FBXO22: variants seen among roughly 807,000 people sequenced by gnomAD.
FBXO22 encodes the protein F-box protein 22.
A neutral mutation model predicts 37.2 loss-of-function variants in FBXO22; 13 were observed. That is an observed-to-expected ratio of 0.35 (90% CI 0.23 to 0.56). The LOEUF (loss-of-function observed/expected upper bound fraction) is 0.56. Ranked by LOEUF, FBXO22 falls within the 20% of genes least tolerant of loss-of-function variation. FBXO22 has a pLI of 0.87. For missense variants in FBXO22, 446 were observed against 509.9 expected, an observed-to-expected ratio of 0.87 and a Z score of 1.21; for synonymous variants, 189 against 189.1, an observed-to-expected ratio of 1.00 and a Z score of 0.00.
rs2030877923 is a variant in FBXO22, at chr15:75,940,788, CTAACA to C, written c.*7687_*7691del. On this transcript the variant is annotated 3_prime_UTR_variant, in exon 7 of 7. Transcript: ENST00000308275. ...GAAAGCTGGATAACCACATGGCTAA[CTAACA>C]AAGTTGCAACCTCACTCATTTGCAA... The C allele has an allele frequency of 6.3e-4, 1 of 1,596 alleles. No individual in the cohort carries two copies. The highest frequency in any genetic ancestry group is 8.1e-4 in the African/African-American group (1 of 1,236). The allele number at this position is 1,596 out of a possible 1,614,324, so 0.1% of individuals were successfully genotyped here. A position where few individuals can be genotyped will look rare whatever the true frequency, so the allele number is the denominator to read the frequency against.
At chr15:75,922,739 C>T (rs1459249410) in intron 5 of FBXO22, among the ~76,000 whole-genome samples, 2 of 152,032 alleles carry the variant, frequency 1.3e-5, no homozygotes, top group Non-Finnish European at 2.9e-5. Flanking sequence ...ACACTGGAAG[C>T]GGGAGACCAC....
At chr15:75,929,744 A>G (rs1233417394) in intron 5 of FBXO22, 140 bp from the exon 6 acceptor site, 17 of 849,916 alleles carry the variant, frequency 2.0e-5, no homozygotes, top group Admixed American at 1.2e-4. Flanking sequence ...TAAAAAATAA[A>G]AAATGGAAAA....
intron 5 of FBXO22, among the ~76,000 whole-genome samples, chr15:75,920,502 T>C (rs74689697): frequency 9.8e-4 from 149 of 152,286 alleles, no homozygotes; most frequent in African/African-American, 3.5e-3. Flanking sequence ...CTATATTCAA[T>C]TGGCTCATAA....
intron 5 of FBXO22, among the ~76,000 whole-genome samples, chr15:75,922,372 A>G (rs1900346423): frequency 6.6e-6 from 1 of 152,228 alleles, no homozygotes; most frequent in Non-Finnish European, 1.5e-5. Flanking sequence ...CTGTGAGAGC[A>G]GAATGGGTAG....
chr15:75,932,847 C>T lies in FBXO22; in HGVS notation c.957C>T (p.Thr319=), dbSNP rs756178166. The change falls in exon 7 of 7, where the codon ACC becomes ACT. Residue 319 remains threonine, a synonymous_variant. Coordinates refer to ENST00000308275, the MANE Select transcript of FBXO22 (RefSeq NM_147188.3). The part of the protein sequence containing the change: ...LKAANIPEHN[T]IGFMFACVGR... ...CGGCCAACATTCCAGAGCATAACAC[C>T]ATTGGCTTCATGTTTGCATGCGTTG... 123 of 1,614,124 alleles carry T rather than the reference C, an allele frequency of 7.6e-5. No homozygotes were observed. The highest frequency in any genetic ancestry group is 9.8e-5 in the Non-Finnish European group (116 of 1,180,062).
At chr15:75,929,733 A>G in intron 5 of FBXO22, 151 bp from the exon 6 acceptor site, 1 of 719,666 alleles carries the variant, frequency 1.4e-6, no homozygotes, top group Non-Finnish European at 2.2e-6. Context: ...ATAAAATAAG[A>G]TAAAAAATAA....
At chr15:75,907,925 A>C (rs1255865032) in intron 2 of FBXO22, among the ~76,000 whole-genome samples, 1 of 152,066 alleles carries the variant, frequency 6.6e-6, no homozygotes, top group Non-Finnish European at 1.5e-5. Flanking sequence ...CTGGGTGATA[A>C]AGAGTGAGAC....
Position 75,917,394 on chromosome 15 carries a change from G to T in FBXO22, c.628G>T (p.Gly210Cys). 1.3e-6 allele frequency: 2 copies of T among 1,560,436 alleles called. No homozygotes were observed. Among genetic ancestry groups the T allele is most frequent in the Non-Finnish European group, 1.7e-6 (2 of 1,147,998 alleles). ...TLERHQLTEV[G>C]LLDNPELRVV... ...AGAAAGACATCAACTCACTGAAGTA[G>T]GTAAGTTACTTTTATTTATCATTAA... The change falls in exon 5 of 7, where the codon GGT (glycine) becomes TGT (cysteine). Residue 210 changes from glycine (G) to cysteine (C), a missense_variant and splice_region_variant. Physicochemically the swap from Gly to Cys is radical, Grantham distance 159. Around this residue, in one of 2 missense-constraint regions of FBXO22, gnomAD observed 315 missense variants for 410.1 expected, o/e 0.77. Transcript: ENST00000308275.
At chr15:75,904,254 T>TA in intron 1 of FBXO22, 151 bp downstream of exon 1, 3 of 1,209,658 alleles carry the variant, frequency 2.5e-6, no homozygotes, top group Non-Finnish European at 3.4e-6. Flanking sequence ...ACCCGCGAGG[T>TA]ATCTCCCAGC....
In FBXO22 at chr15:75,937,508, C is replaced by CA. The variant is rs58256641; in HGVS notation, c.*4430dup. The CA allele has an allele frequency of 0.37, 29,969 of 80,908 alleles. 6,702 individuals carry two copies. Among genetic ancestry groups the CA allele is most frequent in the South Asian group, 0.49 (794 of 1,608 alleles). The allele number at this position is 80,908 out of a possible 1,614,324, so 5.0% of individuals were successfully genotyped here. On this transcript the variant is annotated 3_prime_UTR_variant, in exon 7 of 7. Transcript: ENST00000308275. Reference sequence around the variant, plus strand: ...TGGGCAATGGAGCAAGACTCTGTCTCAAAAAAAAAAAAAAAAAAAAAAAAG... The same window carrying CA: ...TGGGCAATGGAGCAAGACTCTGTCTCAAAAAAAAAAAAAAAAAAAAAAAAAG...
intron 5 of FBXO22, among the ~76,000 whole-genome samples, chr15:75,924,712 C>CTG (rs1346385042): frequency 6.6e-6 from 1 of 152,142 alleles, no homozygotes. Context: ...CTCTACCTGT[C>CTG]TGTACCACAG....
At chr15:75,905,847 A>G (rs1297786146) in intron 2 of FBXO22, among the ~76,000 whole-genome samples, 1 of 152,112 alleles carries the variant, frequency 6.6e-6, no homozygotes, top group Non-Finnish European at 1.5e-5. Context: ...GTGGCATGTG[A>G]TTTCCATTCG....
At chr15:75,905,405 C>T (rs929792809) in intron 2 of FBXO22, among the ~76,000 whole-genome samples, 1 of 152,158 alleles carries the variant, frequency 6.6e-6, no homozygotes, top group East Asian at 1.9e-4. Flanking sequence ...GTCAGAGGGG[C>T]TGCAGGGTGT....
In FBXO22 at chr15:75,939,367, G is replaced by GA. The variant is rs138001166; in HGVS notation, c.*6272dup. ...GCAAAACGTACTACTGCTGAACTAT[G>GA]AAAAAAATTTAAAAATCTCAATAGA... On this transcript the variant is annotated 3_prime_UTR_variant, in exon 7 of 7. Transcript: ENST00000308275. The GA allele has an allele frequency of 6.6e-6, 1 of 151,962 alleles. No homozygotes were observed. The highest frequency in any genetic ancestry group is 1.5e-5 in the Non-Finnish European group (1 of 67,960). The allele number at this position is 151,962 out of a possible 1,614,324, so 9.4% of individuals were successfully genotyped here.
intron 5 of FBXO22, among the ~76,000 whole-genome samples, chr15:75,927,294 G>T (rs937660283): frequency 6.6e-6 from 1 of 152,074 alleles, no homozygotes; most frequent in African/African-American, 2.4e-5. Flanking sequence ...CTTTACATTG[G>T]GTATGTGTTT....
chr15:75,907,857 CGCTTGAACCAGGGAGATGGAGTTT>C (rs1337019724), intron 2 of FBXO22, among the ~76,000 whole-genome samples: 3 of 152,020 alleles, frequency 2.0e-5, no homozygotes, highest in Non-Finnish European at 4.4e-5. Context: ...GTACCAGAAT[CGCTTGAACCAGGGAGATGGAGTTT>C]GCTTGAGCTG....
chr15:75,935,403 G>T lies in FBXO22; in HGVS notation c.*2301G>T, dbSNP rs897154403. The T allele has an allele frequency of 2.6e-5, 4 of 152,124 alleles. No homozygotes were observed. The highest frequency in any genetic ancestry group is 9.7e-5 in the African/African-American group (4 of 41,418). 9.4% of individuals were successfully genotyped at this position (152,124 alleles called of 1,614,324 possible). On this transcript the variant is annotated 3_prime_UTR_variant, in exon 7 of 7. Coordinates refer to ENST00000308275, the MANE Select transcript of FBXO22 (RefSeq NM_147188.3). ...ATACTGAGCTGACGATCAGATCATA[G>T]AATACTTTATTTAATCAAGACATTT...
At chr15:75,904,182 G>A in intron 1 of FBXO22, 79 bp downstream of exon 1, 2 of 1,460,900 alleles carry the variant, frequency 1.4e-6, no homozygotes, top group Non-Finnish European at 1.8e-6. Context: ...GGTGGGGGGA[G>A]AGACCCTTGG....
At chr15:75,911,176 A>G (rs1900043832) in intron 2 of FBXO22, among the ~76,000 whole-genome samples, 2 of 152,078 alleles carry the variant, frequency 1.3e-5, no homozygotes, top group South Asian at 2.1e-4. Flanking sequence ...GCCTTGTAGT[A>G]TAGTTTGAAG....
Sources: gnomAD v4.1 joint callset for allele counts (sites outside exome capture counted in the v4.1 genomes callset) on GRCh38, gnomAD v4.1.1 for gene constraint, gnomAD v4.1.1 regional missense constraint, MANE v1.5 for transcripts, NCBI Gene and HGNC (gene_info 2026-07-23, HGNC 2026-07-21) for gene names.